CHAMP1: variants seen among roughly 807,000 people sequenced by gnomAD.
CHAMP1 encodes the protein chromosome alignment maintaining phosphoprotein 1.
A neutral mutation model predicts 54.5 loss-of-function variants in CHAMP1; 4 were observed. The observed-to-expected ratio is 0.07, with a 90% CI of 0.04 to 0.17. The LOEUF is 0.17. Among genes scored for constraint, CHAMP1 ranks in the 10% least tolerant of loss-of-function variants. CHAMP1 has a pLI of 1.00. For missense variants in CHAMP1, 994 were observed against 968.6 expected, an observed-to-expected ratio of 1.03 and a Z score of -0.35; for synonymous variants, 368 against 342.2, an observed-to-expected ratio of 1.08 and a Z score of -0.83.
At chr13:114,317,007 T>C (rs1226008552) in intron 1 of CHAMP1, among the ~76,000 whole-genome samples, 2 of 152,198 alleles carry the variant, frequency 1.3e-5, no homozygotes, top group East Asian at 3.9e-4. Flanking sequence ...AATTAGTTTA[T>C]TAATTTCTTT....
chr13:114,318,734 C>A (rs2087130915), intron 1 of CHAMP1, among the ~76,000 whole-genome samples: 1 of 151,290 alleles, frequency 6.6e-6, no homozygotes, highest in Non-Finnish European at 1.5e-5. Flanking sequence ...TTCCTGCTAG[C>A]TTCTGATTGT....
intron 2 of CHAMP1, 102 bp from the exon 3 acceptor site, chr13:114,323,686 C>T (rs530792654): frequency 3.6e-5 from 33 of 917,274 alleles, no homozygotes; most frequent in Middle Eastern, 3.3e-4. Context: ...AAATAAAGCA[C>T]GCACTGTTCT....
intron 1 of CHAMP1, among the ~76,000 whole-genome samples, chr13:114,319,516 C>G (rs971959512): frequency 2.6e-5 from 4 of 152,112 alleles, no homozygotes; most frequent in Admixed American, 2.0e-4. Context: ...GCTGGGGCTT[C>G]TAGGAAGATT....
chr13:114,324,633 C>T lies in CHAMP1; in HGVS notation c.791C>T (p.Ser264Phe), dbSNP rs1566791432. The change falls in exon 3 of 3, where the codon TCT (serine) becomes TTT (phenylalanine). Residue 264 changes from serine (S) to phenylalanine (F), a missense_variant. Physicochemically the swap from Ser to Phe is radical, Grantham distance 155 (BLOSUM62 -2). This residue lies in a region of CHAMP1 where 851 missense variants were observed against 701.3 expected (regional missense o/e 1.21). Transcript: ENST00000361283. The stretch of plus-strand genomic sequence containing the variant: ...CCTTGGGGACCATCCCCAGCTGCAT[C>T]TCCAGAATCTCGGAAGTCAGCCCGG... ...PEPWGPSPAA[S>F]PESRKSARTT... The T allele has an allele frequency of 6.2e-7, 1 of 1,614,164 alleles. No homozygotes were observed.
intron 1 of CHAMP1, among the ~76,000 whole-genome samples, chr13:114,320,145 T>G (rs1339097366): frequency 1.3e-5 from 2 of 151,942 alleles, no homozygotes; most frequent in Non-Finnish European, 2.9e-5. Context: ...AGAGAAGGGG[T>G]AGATGAATGT....
chr13:114,325,676 T>A lies in CHAMP1; in HGVS notation c.1834T>A (p.Leu612Ile), dbSNP rs782710573. 2.5e-6 allele frequency: 4 copies of A among 1,613,712 alleles called. No homozygotes were observed. Residue 612 changes from leucine (L) to isoleucine (I), a missense_variant, in exon 3 of 3, where the codon TTA becomes ATA. Physicochemically the swap from Leu to Ile is conservative, Grantham distance 5. Around this residue, in one of 3 missense-constraint regions of CHAMP1, gnomAD observed 851 missense variants for 701.3 expected, o/e 1.21. Transcript: ENST00000361283. Reference protein sequence around the residue: ...ASPKKLLEDTLFPSSKKLKKD... With the variant: ...ASPKKLLEDTIFPSSKKLKKD... ...ACCTAAGAAACTCTTAGAAGATACT[T>A]TATTTCCTTCCTCAAAGAAGCTCAA...
In CHAMP1 at chr13:114,325,891, A is replaced by G. The variant is rs782300134; in HGVS notation, c.2049A>G (p.Leu683=). Residue 683 remains leucine, a synonymous_variant, in exon 3 of 3, where the codon CTA becomes CTG. Transcript: ENST00000361283. The stretch of plus-strand genomic sequence containing the variant: ...GTCCAGAGCAGTCTAGAAATGTGCT[A>G]CAGTTTACTGAAGAAAAAGAAGCTT... ...MTSPEQSRNV[L]QFTEEKEAFI... The G allele has an allele frequency of 6.2e-7, 1 of 1,614,070 alleles. No individual in the cohort carries two copies. The highest frequency in any genetic ancestry group is 1.1e-5 in the South Asian group (1 of 91,068).
rs782724274 is a variant in CHAMP1 at position 114,324,224 on chromosome 13, C to T, written c.382C>T (p.Pro128Ser). Residue 128 changes from proline (P) to serine (S), a missense_variant, in exon 3 of 3, where the codon CCT becomes TCT. Pro to Ser is a moderately conservative substitution (Grantham distance 74). Transcript: ENST00000361283. ...CAATTCAGCAGAACCAAAATCCATACCTGCCCTTTCAATGGAAACACAGAA... is the reference window on the plus strand; with the variant it reads ...CAATTCAGCAGAACCAAAATCCATATCTGCCCTTTCAATGGAAACACAGAA... ...PCNSAEPKSIPALSMETQKLG... is the reference protein window; with the variant it reads ...PCNSAEPKSISALSMETQKLG... The T allele has an allele frequency of 3.7e-6, 6 of 1,614,170 alleles. No individual in the cohort carries two copies. Among genetic ancestry groups the T allele is most frequent in the Non-Finnish European group, 5.1e-6 (6 of 1,180,028 alleles).
Position 114,325,950 on chromosome 13 carries a change from A to G in CHAMP1, c.2108A>G (p.Lys703Arg). 6.2e-7 allele frequency: 1 copy of G among 1,614,190 alleles called. No homozygotes were observed. The highest frequency in any genetic ancestry group is 8.5e-7 in the Non-Finnish European group (1 of 1,180,022). ...ISEEEIAKYM[K>R]RGKGKYYCKI... ...GAAGAGGAGATTGCAAAATACATGA[A>G]GCGTGGAAAAGGAAAGTATTATTGC... is the stretch of plus-strand genomic sequence containing the variant. The change falls in exon 3 of 3, where the codon AAG (lysine) becomes AGG (arginine). Residue 703 changes from lysine (K) to arginine (R), a missense_variant. Around this residue, in one of 3 missense-constraint regions of CHAMP1, gnomAD observed 59 missense variants for 146.7 expected, o/e 0.40. Transcript: ENST00000361283.
chr13:114,323,572 A>G (rs1197287861), intron 2 of CHAMP1: 1 of 368,298 alleles, frequency 2.7e-6, no homozygotes, highest in Non-Finnish European at 4.8e-6. Context: ...TAGTTGAGTC[A>G]TATCATTAGG....
In CHAMP1 at chr13:114,326,557, G is replaced by A. The variant is rs2087254507; in HGVS notation, c.*276G>A. On this transcript the variant is annotated 3_prime_UTR_variant, in exon 3 of 3. Coordinates refer to ENST00000361283, the MANE Select transcript of CHAMP1 (RefSeq NM_032436.4). ...TATGAATAATAATACAAGGAAGTAG[G>A]CATTCCATTTAATAATCAAGAGCAA... The A allele has an allele frequency of 3.5e-6, 1 of 287,094 alleles. No individual in the cohort carries two copies. The highest frequency in any genetic ancestry group is 6.3e-5 in the East Asian group (1 of 15,948). The allele number at this position is 287,094 out of a possible 1,614,324, so 17.8% of individuals were successfully genotyped here. A position where few individuals can be genotyped will look rare whatever the true frequency, so the allele number is the denominator to read the frequency against.
chr13:114,324,178 T>C lies in CHAMP1; in HGVS notation c.336T>C (p.Pro112=). Residue 112 remains proline (P), a synonymous_variant, in exon 3 of 3, where the codon CCT becomes CCC. Transcript: ENST00000361283. ...ATCCTGTGAAAAGCCCTCCTCTTCC[T>C]GAACACCAGAAAATACCCTGCAATT... ...ETDPVKSPPL[P]EHQKIPCNSA... 6.2e-7 allele frequency: 1 copy of C among 1,614,178 alleles called. No homozygotes were observed. Among genetic ancestry groups the C allele is most frequent in the Non-Finnish European group, 8.5e-7 (1 of 1,180,026 alleles).
rs1555379314 is a variant in CHAMP1 at position 114,323,837 on chromosome 13, A to G, written c.-6A>G. On this transcript the variant is annotated 5_prime_UTR_variant, in exon 3 of 3. Transcript: ENST00000361283. ...ATAACCGTGTGTGTTGGTAACAGAC[A>G]GAAGAATGGAAGCATTCCAGGAACT... 1 of 1,592,146 alleles carries G rather than the reference A, an allele frequency of 6.3e-7. No homozygotes were observed. Among genetic ancestry groups the G allele is most frequent in the South Asian group, 1.1e-5 (1 of 88,422 alleles).
chr13:114,321,832 A>G (rs1282239716), intron 2 of CHAMP1, among the ~76,000 whole-genome samples: 1 of 152,168 alleles, frequency 6.6e-6, no homozygotes, highest in Non-Finnish European at 1.5e-5. Flanking sequence ...ACAGTTTTCT[A>G]AAATACAGGA....
rs1203510734 is a variant in CHAMP1 at position 114,318,885 on chromosome 13, TTA to T, written c.-178-2224_-178-2223del. Among the ~76,000 whole-genome samples the T allele has an allele frequency of 2.4e-3, 290 of 120,816 alleles. 11 individuals carry two copies. The highest frequency in any genetic ancestry group is 0.014 in the Admixed American group (171 of 11,858). 79.3% of individuals were successfully genotyped at this position (120,816 alleles called of 152,430 possible). ...TTTTTTTTTTTTTTTTTTTTTTTTT[TTA>T]ATGTTCCCTAGTTTGTTAGAGACTC... On this transcript the variant is annotated intron_variant, in intron 1 of 2. Transcript: ENST00000361283.
rs781891460 is a variant in CHAMP1 at position 114,324,254 on chromosome 13, G to A, written c.412G>A (p.Gly138Ser). ...PALSMETQKL[G>S]SVLSPESPKP... The stretch of plus-strand genomic sequence containing the variant: ...CCTTTCAATGGAAACACAGAAACTT[G>A]GTTCAGTTTTGTCTCCAGAATCGCC... The change falls in exon 3 of 3, where the codon GGT becomes AGT. Residue 138 changes from glycine to serine, a missense_variant. Gly to Ser is a moderately conservative substitution (Grantham distance 56). This residue lies in a region of CHAMP1 where 851 missense variants were observed against 701.3 expected (regional missense o/e 1.21). Coordinates refer to ENST00000361283, the MANE Select transcript of CHAMP1 (RefSeq NM_032436.4). 1.9e-6 allele frequency: 3 copies of A among 1,614,090 alleles called. 1 individual carries two copies. In the South Asian group the frequency reaches 3.3e-5, roughly 18 times the overall value.
intron 1 of CHAMP1, among the ~76,000 whole-genome samples, chr13:114,319,774 C>T (rs1555378904): frequency 6.6e-6 from 1 of 152,152 alleles, no homozygotes; most frequent in African/African-American, 2.4e-5. Context: ...AAAAAGCTGT[C>T]CTGCCTGAAG....
rs1555379456 is a variant in CHAMP1 at position 114,324,405 on chromosome 13, C to A, written c.563C>A (p.Pro188Gln). 6.2e-7 allele frequency: 1 copy of A among 1,614,144 alleles called. No homozygotes were observed. Among genetic ancestry groups the A allele is most frequent in the Non-Finnish European group, 8.5e-7 (1 of 1,180,022 alleles). Residue 188 changes from proline to glutamine, a missense_variant, in exon 3 of 3, where the codon CCA becomes CAA. Coordinates refer to ENST00000361283, the MANE Select transcript of CHAMP1 (RefSeq NM_032436.4). ...KPASVSSPEP[P>Q]KSVPVCESQK... ...GCCTCTGTTTCTTCTCCTGAACCTCCAAAATCAGTCCCTGTTTGTGAGTCT... is the reference window on the plus strand; with the variant it reads ...GCCTCTGTTTCTTCTCCTGAACCTCAAAAATCAGTCCCTGTTTGTGAGTCT...
At chr13:114,318,312 ATTTTTTT>A (rs34593070) in intron 1 of CHAMP1, among the ~76,000 whole-genome samples, 1 of 134,882 alleles carries the variant, frequency 7.4e-6, no homozygotes, top group Non-Finnish European at 1.6e-5. Flanking sequence ...GCTGATCATC[ATTTTTTT>A]TTTTTTTTGG....
Sources: allele counts gnomAD v4.1 joint callset (sites outside exome capture counted in the v4.1 genomes callset), GRCh38; gene constraint gnomAD v4.1.1; regional missense constraint gnomAD v4.1.1; transcripts MANE v1.5; gene names NCBI Gene and HGNC (gene_info 2026-07-23, HGNC 2026-07-21).